ITGB5: variants seen among roughly 807,000 people sequenced by gnomAD.
ITGB5 encodes integrin beta-5.
A neutral mutation model predicts 84.8 loss-of-function variants in ITGB5; 38 were observed. The ratio of observed to expected loss-of-function variants is 0.45; its 90% CI spans 0.35 to 0.59. The LOEUF (loss-of-function observed/expected upper bound fraction) is 0.59, where lower values mean the gene tolerates loss of function less well. Ranked by LOEUF, ITGB5 falls within the 20% of genes least tolerant of loss-of-function variation. The pLI, the probability that ITGB5 is intolerant of heterozygous loss-of-function variation, is 0.01. For synonymous variants in ITGB5, 393 were observed against 414.4 expected (o/e 0.95, Z 0.63); for missense variants, 905 against 1,034.5 (o/e 0.87, Z 1.72).
At chr3:124,888,020 G>T (rs1934907960), upstream of ITGB5, among the ~76,000 whole-genome samples, 1 of 151,472 alleles carries the variant, frequency 6.6e-6, no homozygotes, top group South Asian at 2.1e-4. Context: ...GGGCTCAAAG[G>T]TTCCTCCACC....
At chr3:124,871,511 C>A (rs1170205467) in intron 2 of ITGB5, among the ~76,000 whole-genome samples, 8 of 152,148 alleles carry the variant, frequency 5.3e-5, no homozygotes, top group African/African-American at 1.2e-4. Context: ...TTCTTAAAAA[C>A]GATAAAACAA....
intron 2 of ITGB5, among the ~76,000 whole-genome samples, chr3:124,870,498 G>C (rs1262909434): frequency 6.6e-6 from 1 of 152,136 alleles, no homozygotes; most frequent in African/African-American, 2.4e-5. Context: ...GGAGGCCAAG[G>C]TGGGTGGATC....
intron 1 of ITGB5, among the ~76,000 whole-genome samples, chr3:124,882,030 G>A (rs1934593273): frequency 6.6e-6 from 1 of 152,130 alleles, no homozygotes; most frequent in Non-Finnish European, 1.5e-5. Flanking sequence ...TTCCTAACAA[G>A]CCGCATGCAT....
At chr3:124,775,000 G>T (rs925990287) in intron 10 of ITGB5, among the ~76,000 whole-genome samples, 1 of 152,224 alleles carries the variant, frequency 6.6e-6, no homozygotes, top group Non-Finnish European at 1.5e-5. Flanking sequence ...AGAGAGTCTG[G>T]CTCCAGAGTC....
intron 7 of ITGB5, among the ~76,000 whole-genome samples, chr3:124,818,502 CTTTTTTTTTTT>C (rs143582866): frequency 2.9e-4 from 20 of 68,210 alleles, no homozygotes; most frequent in East Asian, 9.4e-4. Flanking sequence ...AGTGCATAGG[CTTTTTTTTTTT>C]TTTTTTTTTT....
chr3:124,880,875 G>A (rs192934052), intron 1 of ITGB5, among the ~76,000 whole-genome samples: 1,959 of 152,076 alleles, frequency 0.013, 57 homozygotes, highest in African/African-American at 0.043. Context: ...GTTGCAGTGA[G>A]TCAAGATCAC....
upstream of ITGB5, among the ~76,000 whole-genome samples, chr3:124,888,366 T>C (rs1934916542): frequency 6.6e-6 from 1 of 152,154 alleles, no homozygotes; most frequent in East Asian, 1.9e-4. Flanking sequence ...ATCTTATCAT[T>C]TACATATAAG....
At chr3:124,766,637 T>C (rs2063772473) in intron 12 of ITGB5, among the ~76,000 whole-genome samples, 1 of 152,024 alleles carries the variant, frequency 6.6e-6, no homozygotes, top group Admixed American at 6.5e-5. Context: ...GTTTTAATGG[T>C]TTCGGGGTGG....
At position 124,766,197 on chromosome 3, in the gene ITGB5, T is replaced by C. The variant is rs1217285544; in HGVS notation, c.2137+29A>G. The C allele has an allele frequency of 3.1e-6, 5 of 1,602,770 alleles. No individual in the cohort carries two copies. In the East Asian group the frequency reaches 6.7e-5, roughly 22 times the overall value. ...AAATCAGAACTGAGGGCTGGCTGAG[T>C]GGGCCGAGCCCTTGCAGCCCTCACC... On this transcript the variant is annotated intron_variant, in intron 13 of 14. Transcript: ENST00000296181.
chr3:124,841,363 G>C lies in ITGB5; in HGVS notation c.780+20C>G. ...ACCTTGACCTCCCCATGCAGGGACA[G>C]GACCAGAAAGGAAAGTTACCTTGCA... On this transcript the variant is annotated intron_variant, in intron 5 of 14. Transcript: ENST00000296181. The C allele has an allele frequency of 1.2e-6, 2 of 1,610,824 alleles. No individual in the cohort carries two copies. The highest frequency in any genetic ancestry group is 8.5e-7 in the Non-Finnish European group (1 of 1,178,180).
At position 124,826,059 on chromosome 3, in the gene ITGB5, AGT is replaced by A. The variant is rs1202142391; in HGVS notation, c.781-4587_781-4586del. ...ACAAAGAATTCAGCACTATAGTTAT[AGT>A]GTGATTACAAACTACTTAAGAAACA... is the stretch of plus-strand genomic sequence containing the variant. On this transcript the variant is annotated intron_variant, in intron 5 of 14. Coordinates refer to ENST00000296181, the MANE Select transcript of ITGB5 (RefSeq NM_002213.5). 5.3e-5 allele frequency among the ~76,000 whole-genome samples: 8 copies of A among 152,350 alleles called. No homozygotes were observed. The South Asian group carries it at 1.2e-3, about 24-fold the overall frequency.
chr3:124,892,416 C>G (rs572263251), upstream of ITGB5, among the ~76,000 whole-genome samples: 193 of 150,434 alleles, frequency 1.3e-3, no homozygotes, highest in African/African-American at 4.4e-3. Context: ...CAGGTGTGGT[C>G]GCTCACACCT....
At chr3:124,856,283 C>T (rs192816822) in intron 3 of ITGB5, among the ~76,000 whole-genome samples, 30 of 152,274 alleles carry the variant, frequency 2.0e-4, no homozygotes, top group African/African-American at 7.0e-4. Context: ...CCTTAATTCT[C>T]ATTTTAAAAA....
intron 3 of ITGB5, among the ~76,000 whole-genome samples, chr3:124,851,063 ACTT>A (rs1305954663): frequency 7.2e-5 from 11 of 152,352 alleles, no homozygotes; most frequent in Non-Finnish European, 1.5e-4. Flanking sequence ...TCCAAAATCT[ACTT>A]CTACTTTTTT....
At chr3:124,895,585 G>C (rs1246477262) in intron 1 of ITGB5, among the ~76,000 whole-genome samples, 2 of 152,152 alleles carry the variant, frequency 1.3e-5, no homozygotes, top group Non-Finnish European at 2.9e-5. Context: ...TAGCAGTTCA[G>C]CAGCCTTTCA....
At chr3:124,809,990 C>A (rs1050078712) in intron 8 of ITGB5, among the ~76,000 whole-genome samples, 17 of 152,158 alleles carry the variant, frequency 1.1e-4, no homozygotes, top group Non-Finnish European at 2.5e-4. Flanking sequence ...ACCTAGCATT[C>A]ACCCAGGATT....
At chr3:124,779,852 T>G (rs2063977876) in intron 10 of ITGB5, among the ~76,000 whole-genome samples, 1 of 152,128 alleles carries the variant, frequency 6.6e-6, no homozygotes, top group Non-Finnish European at 1.5e-5. Context: ...TGGAGGATGT[T>G]CAGGGGTACC....
In ITGB5 at chr3:124,807,439, A is replaced by G. The variant is rs181628907; in HGVS notation, c.1263+1583T>C. Among the ~76,000 whole-genome samples the G allele has an allele frequency of 6.5e-3, 983 of 152,146 alleles. 17 individuals are homozygous for G. The highest frequency in any genetic ancestry group is 0.035 in the South Asian group (168 of 4,816). ...TCCAAATAAATAAATAAATAAATAAATTATCATTTGTAATGACTTATCATC... is the reference window on the plus strand; with the variant it reads ...TCCAAATAAATAAATAAATAAATAAGTTATCATTTGTAATGACTTATCATC... On this transcript the variant is annotated intron_variant, in intron 9 of 14. Coordinates refer to ENST00000296181, the MANE Select transcript of ITGB5 (RefSeq NM_002213.5).
At chr3:124,802,510 G>A (rs12695446) in intron 9 of ITGB5, among the ~76,000 whole-genome samples, 38,852 of 152,100 alleles carry the variant, frequency 0.26, 5,419 homozygotes, top group African/African-American at 0.34. Flanking sequence ...AACGAAGAGG[G>A]AAAGCCCCTC....
Sources: gnomAD v4.1 joint callset for allele counts (sites outside exome capture counted in the v4.1 genomes callset) on GRCh38, gnomAD v4.1.1 for gene constraint, MANE v1.5 for transcripts, NCBI Gene and HGNC (gene_info 2026-07-23, HGNC 2026-07-21) for gene names.